Variants in PLXNA4 observed in about 807,000 individuals in gnomAD.
The protein encoded by PLXNA4 is plexin A4.
In PLXNA4, 44 loss-of-function variants were observed where a neutral mutation model predicts 191.8. That is an observed-to-expected ratio of 0.23 (90% CI 0.18 to 0.29). PLXNA4 has a LOEUF of 0.29. PLXNA4 is among the 10% of genes least tolerant of loss of function. The pLI is 1.00. For missense variants in PLXNA4, 1,800 were observed against 2,488.8 expected (o/e 0.72, Z 5.89); for synonymous variants, 1,082 against 1,009.5 (o/e 1.07, Z -1.36).
intron 4 of PLXNA4, among the ~76,000 whole-genome samples, chr7:132,252,251 A>G (rs1799274922): frequency 1.3e-5 from 2 of 150,542 alleles, no homozygotes; most frequent in South Asian, 4.2e-4. Flanking sequence ...TCTTCCAGTA[A>G]TTCTTCAAAT....
At chr7:132,396,743 C>T (rs576402909) in intron 3 of PLXNA4, among the ~76,000 whole-genome samples, 1 of 152,376 alleles carries the variant, frequency 6.6e-6, no homozygotes, top group African/African-American at 2.4e-5. Context: ...CCACCTGCCT[C>T]AGTCTCCCAG....
intron 14 of PLXNA4, 134 bp from the exon 15 acceptor site, chr7:132,187,741 A>C: frequency 7.0e-7 from 1 of 1,432,088 alleles, no homozygotes; most frequent in Non-Finnish European, 9.2e-7. Flanking sequence ...CCAGAGAACC[A>C]GGGCAGTTCT....
intron 1 of PLXNA4, among the ~76,000 whole-genome samples, chr7:132,513,909 C>T (rs1798836521): frequency 6.6e-6 from 1 of 152,008 alleles, no homozygotes; most frequent in Non-Finnish European, 1.5e-5. Flanking sequence ...GTCCTGACTT[C>T]AAGTGATCTG....
Position 132,371,109 on chromosome 7 carries a change from A to C in PLXNA4, c.1372-72887T>G, listed in dbSNP as rs534038795. Among the ~76,000 whole-genome samples the C allele has an allele frequency of 4.3e-4, 65 of 152,224 alleles. No individual in the cohort carries two copies. The South Asian group carries it at 0.012, about 28-fold the overall frequency. On this transcript the variant is annotated intron_variant, in intron 3 of 31. Transcript: ENST00000321063. ...CAGGTTAGGGCTGGTCTGCAGACAC[A>C]CATGCCCCGTGGTTGGGCTGGGGAG...
chr7:132,325,807 C>T (rs912934221), intron 3 of PLXNA4, among the ~76,000 whole-genome samples: 7 of 152,190 alleles, frequency 4.6e-5, no homozygotes, highest in Non-Finnish European at 8.8e-5. Context: ...GAAACTGACA[C>T]ACGTAAGCCC....
chr7:132,498,922 C>T (rs1798137728), intron 2 of PLXNA4, among the ~76,000 whole-genome samples: 1 of 152,186 alleles, frequency 6.6e-6, no homozygotes, highest in African/African-American at 2.4e-5. Flanking sequence ...TCTTTTAATA[C>T]TCATTTTGAA....
rs548635901 is a variant in PLXNA4, at chr7:132,253,324, C to T, written c.1504-12158G>A. On this transcript the variant is annotated intron_variant, in intron 4 of 31. Coordinates refer to ENST00000321063, the MANE Select transcript of PLXNA4 (RefSeq NM_020911.2). ...GATCTCAGCTCACTGCAACTTCTGC[C>T]TCCTAAGTTCAAGCAATTATCCCAC... is the stretch of plus-strand genomic sequence containing the variant. Among the ~76,000 whole-genome samples the T allele has an allele frequency of 9.3e-5, 14 of 151,202 alleles. No homozygotes were observed. The East Asian group carries it at 2.5e-3, about 27-fold the overall frequency.
At chr7:132,224,966 C>T (rs916872121) in intron 8 of PLXNA4, among the ~76,000 whole-genome samples, 9 of 152,170 alleles carry the variant, frequency 5.9e-5, no homozygotes, top group South Asian at 4.1e-4. Flanking sequence ...TCAGGTCCCA[C>T]GGTTTGCTCT....
At chr7:132,268,738 A>T (rs1799948189) in intron 4 of PLXNA4, among the ~76,000 whole-genome samples, 1 of 152,184 alleles carries the variant, frequency 6.6e-6, no homozygotes, top group African/African-American at 2.4e-5. Flanking sequence ...TGGATGACAG[A>T]TCTCAGCCCC....
chr7:132,352,996 C>T (rs567909721), intron 3 of PLXNA4, among the ~76,000 whole-genome samples: 1 of 152,174 alleles, frequency 6.6e-6, no homozygotes, highest in African/African-American at 2.4e-5. Flanking sequence ...AAAAAAAAAT[C>T]CCAAATTCCT....
intron 24 of PLXNA4, among the ~76,000 whole-genome samples, chr7:132,160,224 A>C (rs1207895919): frequency 3.3e-5 from 5 of 152,222 alleles, no homozygotes; most frequent in Non-Finnish European, 5.9e-5. Context: ...CAAATCTATA[A>C]GACACTTAAT....
intron 3 of PLXNA4, among the ~76,000 whole-genome samples, chr7:132,402,770 T>C (rs994060963): frequency 2.0e-5 from 3 of 152,154 alleles, no homozygotes; most frequent in Non-Finnish European, 4.4e-5. Context: ...CCTACATTAT[T>C]ACCACAGCAC....
chr7:132,319,766 GT>G (rs1259692643), intron 3 of PLXNA4, among the ~76,000 whole-genome samples: 1 of 152,240 alleles, frequency 6.6e-6, no homozygotes, highest in African/African-American at 2.4e-5. Context: ...TTCCGTGTAA[GT>G]TCCTGAAATG....
At chr7:132,183,178 G>T (rs532438069) in intron 16 of PLXNA4, among the ~76,000 whole-genome samples, 6 of 152,284 alleles carry the variant, frequency 3.9e-5, no homozygotes, top group East Asian at 3.9e-4. Context: ...ATTGCCAGTT[G>T]CTTCTCCCTC....
chr7:132,212,591 G>A (rs1328109509), intron 9 of PLXNA4, among the ~76,000 whole-genome samples: 1 of 152,188 alleles, frequency 6.6e-6, no homozygotes, highest in African/African-American at 2.4e-5. Context: ...AACTCATCAT[G>A]ATTCCATGAT....
At chr7:132,225,838 A>T (rs1007942385) in intron 8 of PLXNA4, among the ~76,000 whole-genome samples, 66 of 152,206 alleles carry the variant, frequency 4.3e-4, no homozygotes, top group African/African-American at 1.5e-3. Flanking sequence ...CAGATGGTGG[A>T]GATGGAATTG....
Position 132,508,379 on chromosome 7 carries a change from A to C in PLXNA4, c.315T>G (p.Asn105Lys). Residue 105 changes from asparagine to lysine, a missense_variant, in exon 2 of 32, where the codon AAT (asparagine) becomes AAG (lysine). Physicochemically the swap from Asn to Lys is moderately conservative, Grantham distance 94 (BLOSUM62 0). Transcript: ENST00000321063. The surrounding 1 kb of genome is among the most constrained non-coding windows in gnomAD (Gnocchi z 4.4). ...CYPPRIVQTCNEPLTTTNNVN... is the reference protein window; with the variant it reads ...CYPPRIVQTCKEPLTTTNNVN... ...CATTGTTGGTGGTGGTCAGGGGCTCATTGCAGGTCTGGACGATGCGGGGTG... is the reference window on the plus strand; with the variant it reads ...CATTGTTGGTGGTGGTCAGGGGCTCCTTGCAGGTCTGGACGATGCGGGGTG... The C allele has an allele frequency of 3.1e-6, 5 of 1,614,144 alleles. No individual in the cohort carries two copies. The highest frequency in any genetic ancestry group is 4.2e-6 in the Non-Finnish European group (5 of 1,180,040).
intron 22 of PLXNA4, among the ~76,000 whole-genome samples, chr7:132,165,776 G>T (rs1796104437): frequency 6.6e-6 from 1 of 151,710 alleles, no homozygotes; most frequent in Non-Finnish European, 1.5e-5. Flanking sequence ...TAGGAATAAA[G>T]GTGGCAGGAG....
chr7:132,248,855 AT>A (rs34329999), intron 4 of PLXNA4, among the ~76,000 whole-genome samples: 106,325 of 151,218 alleles, frequency 0.7, 38,042 homozygotes, highest in African/African-American at 0.85. Context: ...TCAGAAAATG[AT>A]TTTTTTTTTT....
Sources: allele counts gnomAD v4.1 joint callset (sites outside exome capture counted in the v4.1 genomes callset), GRCh38; gene constraint gnomAD v4.1.1; non-coding constraint Gnocchi (gnomAD v3.1); transcripts MANE v1.5; gene names NCBI Gene and HGNC (gene_info 2026-07-23, HGNC 2026-07-21).